The following IL20RA variants were observed in gnomAD, a reference collection of about 807,000 sequenced individuals.
IL20RA encodes the protein interleukin-20 receptor subunit alpha.
In IL20RA, 29 loss-of-function variants were observed where a neutral mutation model predicts 36.5. The ratio of observed to expected loss-of-function variants is 0.79; its 90% CI spans 0.59 to 1.08. The LOEUF is 1.08. Ranked by LOEUF, IL20RA falls within the 50% of genes least tolerant of loss-of-function variation. The probability of loss-of-function intolerance (pLI) is 0.00; values close to 1 mark genes in which losing one functional copy is unlikely to be tolerated. For synonymous variants in IL20RA, 279 were observed against 267.1 expected (o/e 1.04, Z -0.43); for missense variants, 652 against 668.4 (o/e 0.98, Z 0.27).
chr6:137,008,521 C>A, intron 5 of IL20RA, 78 bp downstream of exon 5: 3 of 1,412,656 alleles, frequency 2.1e-6, no homozygotes, highest in South Asian at 3.2e-5. Flanking sequence ...TTTGTCAAAA[C>A]CTTGTCTAAA....
chr6:137,011,214 A>T, intron 3 of IL20RA, 60 bp downstream of exon 3: 1 of 1,368,804 alleles, frequency 7.3e-7, no homozygotes, highest in Non-Finnish European at 1.0e-6. Context: ...TGAGGCTGAG[A>T]CTGTTAAACC....
chr6:137,016,302 A>G (rs1025085644), intron 2 of IL20RA, among the ~76,000 whole-genome samples: 4 of 152,172 alleles, frequency 2.6e-5, no homozygotes, highest in Non-Finnish European at 5.9e-5. Context: ...TTAGATTTCC[A>G]TGCTCTCAGA....
intron 6 of IL20RA, 129 bp downstream of exon 6, chr6:137,004,492 A>T: frequency 2.1e-6 from 2 of 968,732 alleles, no homozygotes; most frequent in Non-Finnish European, 1.6e-6. Context: ...CTGTTTTTTA[A>T]TTCACCAGCT....
chr6:137,038,204 C>CTTT, intron 1 of IL20RA: 2 of 97,514 alleles, frequency 2.1e-5, no homozygotes, highest in African/African-American at 1.0e-4. Context: ...CTTTTGTTCT[C>CTTT]CTTTTTTTTT....
At chr6:137,009,962 T>A (rs1189136334) in intron 3 of IL20RA, among the ~76,000 whole-genome samples, 1 of 152,160 alleles carries the variant, frequency 6.6e-6, no homozygotes, top group African/African-American at 2.4e-5. Context: ...GCCTGAGATA[T>A]GCCAGATCTT....
intron 2 of IL20RA, among the ~76,000 whole-genome samples, chr6:137,015,049 G>C (rs532698171): frequency 2.2e-4 from 34 of 152,288 alleles, no homozygotes; most frequent in African/African-American, 8.2e-4. Flanking sequence ...AGTGTTGCCA[G>C]ATTGAAATTC....
At chr6:137,006,689 C>G (rs1408894567) in intron 5 of IL20RA, among the ~76,000 whole-genome samples, 1 of 151,690 alleles carries the variant, frequency 6.6e-6, no homozygotes. Flanking sequence ...GGTTCAGAAC[C>G]AGAAATAGAG....
chr6:137,021,321 T>A (rs1775895905), intron 1 of IL20RA, among the ~76,000 whole-genome samples: 1 of 151,944 alleles, frequency 6.6e-6, no homozygotes, highest in African/African-American at 2.4e-5. Context: ...TTCCTTTGGA[T>A]TAGTTCTGGT....
rs534517805 is a variant in IL20RA at position 137,009,332 on chromosome 6, A to G, written c.564T>C (p.Thr188=). The change falls in exon 4 of 7, where the codon ACT becomes ACC. Residue 188 remains threonine, a synonymous_variant. Coordinates refer to ENST00000316649, the MANE Select transcript of IL20RA (RefSeq NM_014432.4). ...NLKYNVSVLN[T]KSNRTWSQCV... is the part of the protein sequence containing the mutation. Reference sequence around the variant, plus strand: ...TCAGGCTTACCGTTCTGTTTGATTTAGTATTCAACACAGACACGTTATACT... The same window carrying G: ...TCAGGCTTACCGTTCTGTTTGATTTGGTATTCAACACAGACACGTTATACT... 8.1e-5 allele frequency: 131 copies of G among 1,613,358 alleles called. 2 individuals are homozygous for G. In the South Asian group the frequency reaches 9.8e-4, roughly 12 times the overall value.
chr6:137,009,780 A>G (rs1215221489), intron 3 of IL20RA, among the ~76,000 whole-genome samples: 2 of 151,678 alleles, frequency 1.3e-5, no homozygotes, highest in Non-Finnish European at 2.9e-5. Flanking sequence ...TAATTTTTGT[A>G]TTTTTAGTAG....
At chr6:137,012,025 A>T (rs1219041012) in intron 2 of IL20RA, among the ~76,000 whole-genome samples, 2 of 152,148 alleles carry the variant, frequency 1.3e-5, no homozygotes, top group East Asian at 3.8e-4. Context: ...CCTTTTCTTT[A>T]TTAAAAACAC....
intron 5 of IL20RA, among the ~76,000 whole-genome samples, chr6:137,007,263 A>T (rs1350065105): frequency 1.3e-5 from 2 of 152,102 alleles, no homozygotes; most frequent in East Asian, 3.8e-4. Flanking sequence ...TATGGTAGAG[A>T]CTCCTTCATT....
intron 1 of IL20RA, among the ~76,000 whole-genome samples, chr6:137,043,399 G>A (rs1302372656): frequency 6.6e-6 from 1 of 152,086 alleles, no homozygotes; most frequent in Non-Finnish European, 1.5e-5. Context: ...GAGCCACAGC[G>A]CCCAGCTTCT....
intron 3 of IL20RA, 30 bp from the exon 4 acceptor site, chr6:137,009,522 T>C (rs755110982): frequency 6.9e-7 from 1 of 1,454,060 alleles, no homozygotes; most frequent in African/African-American, 1.4e-5. Flanking sequence ...GGTATTATCA[T>C]GTTCAGATGA....
intron 1 of IL20RA, chr6:137,044,067 C>T: frequency 1.0e-6 from 1 of 975,394 alleles, no homozygotes; most frequent in Non-Finnish European, 1.2e-6. Context: ...GAAACAACGG[C>T]GTACCCAGGA....
At chr6:137,003,536 C>T (rs1025241420) in intron 6 of IL20RA, among the ~76,000 whole-genome samples, 5 of 152,192 alleles carry the variant, frequency 3.3e-5, no homozygotes, top group African/African-American at 9.7e-5. Flanking sequence ...AGACTTGAAT[C>T]TTCTCTCCCC....
In IL20RA at chr6:137,004,668, T is replaced by C. The variant is rs1775211794; in HGVS notation, c.817A>G (p.Ile273Val). ...VFLFSVMGYS[I>V]YRYIHVGKEK... ...TTGCCAACGTGGATATATCGGTAGA[T>C]GGAATAGCCCATCACAGAAAAAAGA... Residue 273 changes from isoleucine to valine, a missense_variant, in exon 6 of 7, where the codon ATC (isoleucine) becomes GTC (valine). Ile to Val is a conservative substitution (Grantham distance 29, BLOSUM62 3). Coordinates refer to ENST00000316649, the MANE Select transcript of IL20RA (RefSeq NM_014432.4). 2 of 1,612,554 alleles carry C rather than the reference T, an allele frequency of 1.2e-6. No individual in the cohort carries two copies. The highest frequency in any genetic ancestry group is 1.7e-6 in the Non-Finnish European group (2 of 1,179,838).
chr6:137,013,537 C>T (rs1387845138), intron 2 of IL20RA, among the ~76,000 whole-genome samples: 1 of 152,146 alleles, frequency 6.6e-6, no homozygotes, highest in Non-Finnish European at 1.5e-5. Context: ...AGCTGAGGCT[C>T]AGGGAGATTA....
rs750966677 is a variant in IL20RA, at chr6:137,002,163, C to T, written c.1057G>A (p.Glu353Lys). The change falls in exon 7 of 7, where the codon GAG becomes AAG. Residue 353 changes from glutamate (E) to lysine (K), a missense_variant. Glu to Lys is a moderately conservative substitution (Grantham distance 56). Transcript: ENST00000316649. ...QPSGNLRPPQ[E>K]EEEVKHLGYA... ...CCTAAATGTTTCACCTCCTCTTCCT[C>T]CTGAGGGGGCCTCAGGTTCCCGCTG... 1 of 1,614,196 alleles carries T rather than the reference C, an allele frequency of 6.2e-7. No individual in the cohort carries two copies. Among genetic ancestry groups the T allele is most frequent in the Non-Finnish European group, 8.5e-7 (1 of 1,180,036 alleles).
Sources: gnomAD v4.1 joint callset for allele counts (sites outside exome capture counted in the v4.1 genomes callset) on GRCh38, gnomAD v4.1.1 for gene constraint, MANE v1.5 for transcripts, NCBI Gene and HGNC (gene_info 2026-07-23, HGNC 2026-07-21) for gene names.